The following MIPOL1 variants were observed in gnomAD, a reference collection of about 807,000 sequenced individuals.
The protein encoded by MIPOL1 is mirror-image polydactyly 1.
A neutral mutation model predicts 60.9 loss-of-function variants in MIPOL1; 57 were observed. That is an observed-to-expected ratio of 0.94 (90% confidence interval 0.76 to 1.17). The LOEUF is 1.17. Among genes scored for constraint, MIPOL1 ranks in the 50% most tolerant of loss-of-function variants. The pLI, the probability that MIPOL1 is intolerant of heterozygous loss-of-function variation, is 0.00. For missense variants in MIPOL1, 551 were observed against 511.6 expected, an observed-to-expected ratio of 1.08 and a Z score of -0.74; for synonymous variants, 179 against 168.8, an observed-to-expected ratio of 1.06 and a Z score of -0.47.
At chr14:37,209,616 C>T (rs557527256) in intron 1 of MIPOL1, among the ~76,000 whole-genome samples, 5 of 152,240 alleles carry the variant, frequency 3.3e-5, no homozygotes, top group South Asian at 2.1e-4. Context: ...GCTGAGATCA[C>T]GTCACTGTAC....
intron 3 of MIPOL1, among the ~76,000 whole-genome samples, chr14:37,266,726 T>C (rs1273544210): frequency 6.6e-6 from 1 of 152,196 alleles, no homozygotes; most frequent in African/African-American, 2.4e-5. Flanking sequence ...TGCTTCAGAC[T>C]CTTAAGTCCC....
intron 11 of MIPOL1, among the ~76,000 whole-genome samples, chr14:37,446,757 A>T (rs2153571088): frequency 6.6e-6 from 1 of 152,294 alleles, no homozygotes; most frequent in South Asian, 2.1e-4. Context: ...AAAAATGATG[A>T]GTTCATGTCC....
Position 37,267,189 on chromosome 14 carries a change from G to T in MIPOL1, c.251+20G>T. On this transcript the variant is annotated intron_variant, in intron 4 of 12. Transcript: ENST00000684589. ...ATACAAGTAAGTGCTCACAGCCTTA[G>T]ATTTAGAAGGAATTGGGGCCAGGCG... 1.3e-6 allele frequency: 2 copies of T among 1,585,888 alleles called. No individual in the cohort carries two copies. The highest frequency in any genetic ancestry group is 1.7e-6 in the Non-Finnish European group (2 of 1,156,744).
At chr14:37,426,754 A>C (rs2093975558) in intron 11 of MIPOL1, among the ~76,000 whole-genome samples, 1 of 151,404 alleles carries the variant, frequency 6.6e-6, no homozygotes, top group Non-Finnish European at 1.5e-5. Context: ...GCTTAAATGA[A>C]GTGAAGCACT....
chr14:37,439,269 G>C (rs1365395235), intron 11 of MIPOL1, among the ~76,000 whole-genome samples: 1 of 152,158 alleles, frequency 6.6e-6, no homozygotes, highest in Non-Finnish European at 1.5e-5. Context: ...GAGAATTGAA[G>C]TATATGAACC....
At chr14:37,459,483 G>T (rs910697981) in intron 11 of MIPOL1, among the ~76,000 whole-genome samples, 1 of 152,064 alleles carries the variant, frequency 6.6e-6, no homozygotes, top group Non-Finnish European at 1.5e-5. Context: ...TAGAAACCCT[G>T]ATCAGACCTG....
chr14:37,282,901 A>G (rs1373814777), intron 6 of MIPOL1, among the ~76,000 whole-genome samples: 1 of 152,194 alleles, frequency 6.6e-6, no homozygotes, highest in Non-Finnish European at 1.5e-5. Context: ...ACACTACTCA[A>G]AACAATATGT....
In MIPOL1 at chr14:37,499,890, T is replaced by A; in HGVS notation, c.1032-18T>A. The A allele has an allele frequency of 7.2e-7, 1 of 1,385,804 alleles. No homozygotes were observed. The highest frequency in any genetic ancestry group is 1.3e-5 in the South Asian group (1 of 75,000). The allele number at this position is 1,385,804 out of a possible 1,614,324, so 85.8% of individuals were successfully genotyped here. ...GTTTACATTACTTATCTTTAAATTT[T>A]TTTTAATATTTTCTCAGTTTACACA... On this transcript the variant is annotated intron_variant, in intron 11 of 12. Coordinates refer to ENST00000684589, the MANE Select transcript of MIPOL1 (RefSeq NM_001388067.1).
At chr14:37,297,106 C>T (rs2085803574) in intron 7 of MIPOL1, among the ~76,000 whole-genome samples, 1 of 152,162 alleles carries the variant, frequency 6.6e-6, no homozygotes, top group South Asian at 2.1e-4. Flanking sequence ...ACTTATCCAC[C>T]ATGATCAAGT....
intron 11 of MIPOL1, among the ~76,000 whole-genome samples, chr14:37,423,253 T>C (rs567755460): frequency 6.6e-6 from 1 of 151,054 alleles, no homozygotes; most frequent in South Asian, 2.1e-4. Context: ...ATATCACCTC[T>C]AAAACAATCG....
At chr14:37,489,623 T>C (rs531018069) in intron 11 of MIPOL1, among the ~76,000 whole-genome samples, 7 of 152,304 alleles carry the variant, frequency 4.6e-5, no homozygotes, top group Admixed American at 4.6e-4. Flanking sequence ...GACCTTCGGA[T>C]TGGGTCTCTG....
intron 1 of MIPOL1, among the ~76,000 whole-genome samples, chr14:37,213,423 A>C (rs185028719): frequency 1.5e-3 from 227 of 152,362 alleles, no homozygotes; most frequent in African/African-American, 5.2e-3. Flanking sequence ...TGCAATTGAC[A>C]TACTGAAGAA....
chr14:37,226,220 A>G (rs1047260685), intron 1 of MIPOL1, among the ~76,000 whole-genome samples: 1 of 152,126 alleles, frequency 6.6e-6, no homozygotes, highest in East Asian at 1.9e-4. Flanking sequence ...AGTTGATTCC[A>G]CATTTTTGGG....
chr14:37,343,332 A>C (rs1052720084), intron 9 of MIPOL1, among the ~76,000 whole-genome samples: 1 of 152,158 alleles, frequency 6.6e-6, no homozygotes. Context: ...ATGTGGAAAA[A>C]GCATTGTAAT....
chr14:37,200,846 ATCTATGTGTGTGTGTGTGTGTGTG>A (rs1163228185), intron 1 of MIPOL1, among the ~76,000 whole-genome samples: 5 of 121,038 alleles, frequency 4.1e-5, no homozygotes, highest in Non-Finnish European at 5.1e-5. Context: ...TACTATATCT[ATCTATGTGTGTGTGTGTGTGTGTG>A]TGTGTGTGTG....
intron 12 of MIPOL1, among the ~76,000 whole-genome samples, chr14:37,533,263 G>C (rs918580453): frequency 3.9e-5 from 6 of 152,090 alleles, no homozygotes; most frequent in African/African-American, 1.2e-4. Flanking sequence ...AGCAGTGACC[G>C]TCTGAAAGTC....
intron 1 of MIPOL1, among the ~76,000 whole-genome samples, chr14:37,245,628 C>T (rs1040062478): frequency 2.6e-5 from 4 of 152,066 alleles, no homozygotes; most frequent in Admixed American, 6.6e-5. Context: ...TTACTCTCTT[C>T]GTCTCCAAAA....
chr14:37,201,776 A>G lies in MIPOL1; in HGVS notation c.-199+3672A>G, dbSNP rs77851221. ...TTGCCCAAAATTTTACTTTAATACC[A>G]TTCAGCCCACCATCCATGTTAACAT... On this transcript the variant is annotated intron_variant, in intron 1 of 12. Coordinates refer to ENST00000684589, the MANE Select transcript of MIPOL1 (RefSeq NM_001388067.1). 9.2e-3 allele frequency among the ~76,000 whole-genome samples: 1,401 copies of G among 152,226 alleles called. 23 individuals carry two copies. Among genetic ancestry groups the G allele is most frequent in the African/African-American group, 0.033 (1,368 of 41,538 alleles).
chr14:37,449,559 A>G (rs931057679), intron 11 of MIPOL1, among the ~76,000 whole-genome samples: 1 of 152,180 alleles, frequency 6.6e-6, no homozygotes, highest in Non-Finnish European at 1.5e-5. Context: ...AGGAAACAAC[A>G]TTGCTGACCA....
Sources: allele counts gnomAD v4.1 joint callset (sites outside exome capture counted in the v4.1 genomes callset), GRCh38; gene constraint gnomAD v4.1.1; transcripts MANE v1.5; gene names NCBI Gene and HGNC (gene_info 2026-07-23, HGNC 2026-07-21).